MPPED2: variants seen among roughly 807,000 people sequenced by gnomAD.
MPPED2 encodes metallophosphoesterase domain containing 2, also known as metallophosphoesterase MPPED2.
In MPPED2, 5 loss-of-function variants were observed where a neutral mutation model predicts 33.0. The observed-to-expected ratio is 0.15, with a 90% CI of 0.08 to 0.32. The LOEUF (loss-of-function observed/expected upper bound fraction) is 0.32. MPPED2 is among the 10% of genes least tolerant of loss of function. The probability of loss-of-function intolerance (pLI) is 1.00; values close to 1 mark genes in which losing one functional copy is unlikely to be tolerated. For synonymous variants in MPPED2, 136 were observed against 141.9 expected, an observed-to-expected ratio of 0.96 and a Z score of 0.29; for missense variants, 275 against 372.1, an observed-to-expected ratio of 0.74 and a Z score of 2.15.
intron 4 of MPPED2, among the ~76,000 whole-genome samples, chr11:30,458,862 G>C (rs942055450): frequency 6.7e-6 from 1 of 149,446 alleles, no homozygotes; most frequent in African/African-American, 2.5e-5. Flanking sequence ...GTTAACTACG[G>C]ACATCTAGAG....
At chr11:30,583,868 C>T (rs991203088) in intron 1 of MPPED2, among the ~76,000 whole-genome samples, 1 of 152,190 alleles carries the variant, frequency 6.6e-6, no homozygotes, top group Non-Finnish European at 1.5e-5. Flanking sequence ...CCAGACCGAG[C>T]CTGGCGGGAC....
chr11:30,469,519 C>G (rs1950858809), intron 4 of MPPED2, among the ~76,000 whole-genome samples: 1 of 152,114 alleles, frequency 6.6e-6, no homozygotes, highest in Non-Finnish European at 1.5e-5. Flanking sequence ...CAGAAAGAGC[C>G]AAGTTCAGTC....
At chr11:30,583,128 C>CTTTTTCTT (rs752568357) in intron 1 of MPPED2, among the ~76,000 whole-genome samples, 5,390 of 89,962 alleles carry the variant, frequency 0.06, 328 homozygotes, top group South Asian at 0.071. Flanking sequence ...CTGGAAAAGA[C>CTTTTTCTT]TTTTTCTTTT....
intron 2 of MPPED2, among the ~76,000 whole-genome samples, chr11:30,575,043 A>G (rs1346420925): frequency 6.6e-6 from 1 of 152,230 alleles, no homozygotes; most frequent in Non-Finnish European, 1.5e-5. Flanking sequence ...CAGAACTAAA[A>G]CAAACATTTA....
At chr11:30,475,739 C>T (rs1467235028) in intron 4 of MPPED2, among the ~76,000 whole-genome samples, 2 of 151,994 alleles carry the variant, frequency 1.3e-5, no homozygotes, top group Non-Finnish European at 1.5e-5. Context: ...TTTATGTGGA[C>T]ATACATTTTT....
intron 4 of MPPED2, among the ~76,000 whole-genome samples, chr11:30,491,328 C>T (rs1951973064): frequency 6.6e-6 from 1 of 152,170 alleles, no homozygotes; most frequent in South Asian, 2.1e-4. Flanking sequence ...GAAACAAGGG[C>T]AGACCTCATT....
chr11:30,394,172 T>G (rs1421179640), intron 6 of MPPED2, among the ~76,000 whole-genome samples: 2 of 152,240 alleles, frequency 1.3e-5, no homozygotes, highest in Admixed American at 1.3e-4. Flanking sequence ...TCCCTTTACC[T>G]GCTGAAGGAT....
intron 4 of MPPED2, chr11:30,429,088 G>C (rs1948968984): frequency 6.6e-6 from 1 of 152,196 alleles, no homozygotes; most frequent in East Asian, 1.9e-4. Context: ...AGATAGAAAA[G>C]AGAAGTTCTA....
At position 30,441,739 on chromosome 11, in the gene MPPED2, C is replaced by CA. The variant is rs1949580684; in HGVS notation, c.537-24107_537-24106insT. On this transcript the variant is annotated intron_variant, in intron 4 of 6. Coordinates refer to ENST00000358117, the MANE Select transcript of MPPED2 (RefSeq NM_001584.3). The stretch of plus-strand genomic sequence containing the variant: ...CATGACAGCCTTCATTCTCTTGCCC[C>CA]TTTTTTTTTGCATAGGTTTCCCCAT... Among the ~76,000 whole-genome samples the CA allele has an allele frequency of 2.0e-5, 3 of 151,182 alleles. No homozygotes were observed. In the South Asian group the frequency reaches 6.3e-4, roughly 32 times the overall value.
chr11:30,436,501 C>T (rs1032514867), intron 4 of MPPED2, among the ~76,000 whole-genome samples: 3 of 152,196 alleles, frequency 2.0e-5, no homozygotes, highest in Non-Finnish European at 4.4e-5. Context: ...TTCAAATCCT[C>T]GTTGTTAGCT....
intron 6 of MPPED2, among the ~76,000 whole-genome samples, chr11:30,402,587 T>C (rs1324308528): frequency 1.3e-5 from 2 of 152,220 alleles, no homozygotes; most frequent in East Asian, 3.8e-4. Flanking sequence ...TCAAAAGATG[T>C]ACAGAAGTCA....
intron 3 of MPPED2, among the ~76,000 whole-genome samples, chr11:30,506,184 C>T (rs1261669563): frequency 6.6e-6 from 1 of 151,896 alleles, no homozygotes; most frequent in Admixed American, 6.6e-5. Context: ...ACTACATGTG[C>T]CCACCACCAC....
intron 4 of MPPED2, among the ~76,000 whole-genome samples, chr11:30,461,426 G>A (rs575056912): frequency 6.6e-6 from 1 of 152,076 alleles, no homozygotes; most frequent in Non-Finnish European, 1.5e-5. Context: ...TTAGGAAAAG[G>A]GTGACGCTGC....
chr11:30,417,747 G>A (rs1948438650), intron 4 of MPPED2, 114 bp from the exon 5 acceptor site: 1 of 663,260 alleles, frequency 1.5e-6, no homozygotes, highest in East Asian at 2.8e-5. Flanking sequence ...TTCTCTTTTT[G>A]ATGGTTGGCC....
intron 6 of MPPED2, among the ~76,000 whole-genome samples, chr11:30,402,551 A>G (rs1450117195): frequency 1.3e-5 from 2 of 152,202 alleles, no homozygotes; most frequent in East Asian, 3.8e-4. Context: ...AAATCTATTA[A>G]TTTATAATTT....
At chr11:30,475,037 C>T (rs2134084066) in intron 4 of MPPED2, among the ~76,000 whole-genome samples, 1 of 152,118 alleles carries the variant, frequency 6.6e-6, no homozygotes. Context: ...GAGCATGGTT[C>T]TAGAAAGGTT....
chr11:30,430,372 A>ATT (rs1949024613), intron 4 of MPPED2, among the ~76,000 whole-genome samples: 2 of 152,248 alleles, frequency 1.3e-5, no homozygotes, highest in Non-Finnish European at 2.9e-5. Context: ...ATACTTTAAT[A>ATT]GCTTTTATAT....
chr11:30,433,631 C>T (rs1204652063), intron 4 of MPPED2, among the ~76,000 whole-genome samples: 4 of 152,160 alleles, frequency 2.6e-5, no homozygotes, highest in Admixed American at 1.3e-4. Flanking sequence ...CCCGTCACTG[C>T]TTTCTTTTCT....
At chr11:30,490,058 C>A (rs1228923838) in intron 4 of MPPED2, among the ~76,000 whole-genome samples, 1 of 152,116 alleles carries the variant, frequency 6.6e-6, no homozygotes, top group Non-Finnish European at 1.5e-5. Context: ...AAAACTCTAC[C>A]TTACCTCTAC....
Sources: allele counts gnomAD v4.1 joint callset (sites outside exome capture counted in the v4.1 genomes callset), GRCh38; gene constraint gnomAD v4.1.1; transcripts MANE v1.5; gene names NCBI Gene and HGNC (gene_info 2026-07-23, HGNC 2026-07-21).